The following GABRG3 variants were observed in gnomAD, a reference collection of about 807,000 sequenced individuals.
The protein encoded by GABRG3 is gamma-aminobutyric acid receptor subunit gamma-3.
Under a neutral mutation model 48.8 loss-of-function variants are expected in GABRG3, and 25 were observed. That is an observed-to-expected ratio of 0.51 (90% CI 0.37 to 0.72). The LOEUF is 0.72. GABRG3 is among the 30% of genes least tolerant of loss of function. The pLI, the probability that GABRG3 is intolerant of heterozygous loss-of-function variation, is 0.00. For synonymous variants in GABRG3, 227 were observed against 217.6 expected (o/e 1.04, Z -0.38); for missense variants, 394 against 577.9 (o/e 0.68, Z 3.26).
intron 3 of GABRG3, among the ~76,000 whole-genome samples, chr15:27,166,399 T>A (rs1292169278): frequency 1.3e-5 from 2 of 152,216 alleles, no homozygotes; most frequent in Non-Finnish European, 2.9e-5. Context: ...GGACAACATC[T>A]TCTTCTTTGG....
At chr15:27,288,715 C>G (rs1046403343) in intron 3 of GABRG3, among the ~76,000 whole-genome samples, 7 of 91,422 alleles carry the variant, frequency 7.7e-5, no homozygotes, top group African/African-American at 2.5e-4. Context: ...CTCCGTCTCA[C>G]AGAAAAAAAA....
intron 5 of GABRG3, among the ~76,000 whole-genome samples, chr15:27,427,302 T>C (rs796258825): frequency 6.8e-4 from 104 of 152,330 alleles, no homozygotes; most frequent in African/African-American, 2.5e-3. Context: ...TATTTTCCAG[T>C]CCATTTTGTA....
intron 3 of GABRG3, among the ~76,000 whole-genome samples, chr15:27,315,264 A>G (rs1273272076): frequency 2.6e-5 from 4 of 152,208 alleles, no homozygotes; most frequent in African/African-American, 4.8e-5. Flanking sequence ...CTTTTAGTGA[A>G]CTACTTCAAA....
At chr15:27,044,506 C>A in intron 3 of GABRG3, among the ~76,000 whole-genome samples, 1 of 152,098 alleles carries the variant, frequency 6.6e-6, no homozygotes, top group South Asian at 2.1e-4. Flanking sequence ...ATTAAATATA[C>A]CATTGCAAAA....
intron 3 of GABRG3, among the ~76,000 whole-genome samples, chr15:27,185,111 T>G (rs1888051691): frequency 6.6e-6 from 1 of 152,134 alleles, no homozygotes; most frequent in Non-Finnish European, 1.5e-5. Flanking sequence ...TCATGTTGCT[T>G]GACATAATAA....
At chr15:27,210,334 A>G (rs1047433826) in intron 3 of GABRG3, among the ~76,000 whole-genome samples, 10 of 152,224 alleles carry the variant, frequency 6.6e-5, no homozygotes, top group Non-Finnish European at 1.5e-4. Context: ...AGTTTAGATG[A>G]GTAATCATGA....
At chr15:27,010,532 G>A (rs558673562) in intron 2 of GABRG3, among the ~76,000 whole-genome samples, 6 of 152,288 alleles carry the variant, frequency 3.9e-5, no homozygotes, top group South Asian at 4.1e-4. Flanking sequence ...TTGGACAATA[G>A]CAGGGTTAGA....
At chr15:27,508,838 C>T (rs570070321) in intron 6 of GABRG3, among the ~76,000 whole-genome samples, 7 of 152,012 alleles carry the variant, frequency 4.6e-5, no homozygotes, top group Admixed American at 1.3e-4. Context: ...CCCAGCCTCC[C>T]GAGTAGCTGG....
chr15:27,230,430 A>G (rs1889761258), intron 3 of GABRG3, among the ~76,000 whole-genome samples: 1 of 152,214 alleles, frequency 6.6e-6, no homozygotes. Context: ...TTATGTGCTC[A>G]GACCTCAGAG....
intron 3 of GABRG3, among the ~76,000 whole-genome samples, chr15:27,276,354 T>C (rs1891253441): frequency 1.3e-5 from 2 of 152,332 alleles, no homozygotes; most frequent in South Asian, 2.1e-4. Flanking sequence ...GCTGTGCCAA[T>C]GGTGCAAATG....
intron 6 of GABRG3, among the ~76,000 whole-genome samples, chr15:27,495,285 C>A (rs1332115984): frequency 6.6e-6 from 1 of 152,106 alleles, no homozygotes; most frequent in Non-Finnish European, 1.5e-5. Context: ...CACGTTGTAG[C>A]CATGTGACAG....
At chr15:27,113,845 G>A (rs868266120) in intron 3 of GABRG3, among the ~76,000 whole-genome samples, 1 of 152,166 alleles carries the variant, frequency 6.6e-6, no homozygotes. Context: ...GATGCCCTAA[G>A]GTGTAATTCG....
intron 3 of GABRG3, among the ~76,000 whole-genome samples, chr15:27,144,526 G>T (rs144883843): frequency 2.9e-4 from 44 of 151,412 alleles, no homozygotes; most frequent in African/African-American, 1.1e-3. Context: ...CACAACACCT[G>T]CCTGAGATGG....
In GABRG3 at chr15:27,352,689, G is replaced by T. The variant is rs1282562950; in HGVS notation, c.574+23801G>T. Among the ~76,000 whole-genome samples, 1 of 152,088 alleles carries T rather than the reference G, an allele frequency of 6.6e-6. No individual in the cohort carries two copies. The highest frequency in any genetic ancestry group is 1.5e-5 in the Non-Finnish European group (1 of 68,020). On this transcript the variant is annotated intron_variant, in intron 5 of 9. Transcript: ENST00000615808. The surrounding 1 kb of genome is among the most constrained non-coding windows in gnomAD (Gnocchi z 4.0). ...CATACCAAACCGTTGGGTGATATCGGTCTTGGTTATTGGTCCCTAGGATTG... is the reference window on the plus strand; with the variant it reads ...CATACCAAACCGTTGGGTGATATCGTTCTTGGTTATTGGTCCCTAGGATTG...
intron 5 of GABRG3, among the ~76,000 whole-genome samples, chr15:27,475,874 G>A (rs1266434924): frequency 6.6e-6 from 1 of 152,028 alleles, no homozygotes; most frequent in Non-Finnish European, 1.5e-5. Flanking sequence ...TGGAGGTGGT[G>A]ATAATGTTAA....
intron 3 of GABRG3, among the ~76,000 whole-genome samples, chr15:27,077,347 A>T (rs956513343): frequency 2.6e-5 from 4 of 152,120 alleles, no homozygotes; most frequent in African/African-American, 9.7e-5. Context: ...CCAGGTCCCC[A>T]TGCACCCAGG....
chr15:27,459,879 C>T (rs1417701729), intron 5 of GABRG3, among the ~76,000 whole-genome samples: 1 of 152,252 alleles, frequency 6.6e-6, no homozygotes, highest in East Asian at 1.9e-4. Context: ...TCATTATCAT[C>T]CAAGAGTTGA....
rs1891606052 is a variant in GABRG3 at position 27,538,889 on chromosome 15, A to C, written c.*6008A>C. On this transcript the variant is annotated 3_prime_UTR_variant, in exon 10 of 10. Transcript: ENST00000615808. ...AACACATCCAATTTGTATTTTCTTA[A>C]ATATGTGTTTCTTAGGTATCTAAGG... The C allele has an allele frequency of 6.6e-6, 1 of 152,156 alleles. No homozygotes were observed. The highest frequency in any genetic ancestry group is 1.5e-5 in the Non-Finnish European group (1 of 68,030). The allele number at this position is 152,156 out of a possible 1,614,324, so 9.4% of individuals were successfully genotyped here.
At chr15:27,322,597 T>C (rs1893466466) in intron 3 of GABRG3, among the ~76,000 whole-genome samples, 1 of 152,184 alleles carries the variant, frequency 6.6e-6, no homozygotes, top group Non-Finnish European at 1.5e-5. Flanking sequence ...ATGTAAACTT[T>C]TAGAGTCAGA....
Sources: gnomAD v4.1 joint callset for allele counts (sites outside exome capture counted in the v4.1 genomes callset) on GRCh38, gnomAD v4.1.1 for gene constraint, Gnocchi (gnomAD v3.1) non-coding constraint, MANE v1.5 for transcripts, NCBI Gene and HGNC (gene_info 2026-07-23, HGNC 2026-07-21) for gene names.